The following SETBP1 variants were observed in gnomAD, a reference collection of about 807,000 sequenced individuals.
SETBP1 encodes SET binding protein 1.
In SETBP1, 9 loss-of-function variants were observed where a neutral mutation model predicts 101.0. The observed-to-expected ratio is 0.09, with a 90% confidence interval of 0.05 to 0.16. The LOEUF (loss-of-function observed/expected upper bound fraction) is 0.16, where lower values mean the gene tolerates loss of function less well. SETBP1 is among the 10% of genes least tolerant of loss of function. The pLI, the probability that SETBP1 is intolerant of heterozygous loss-of-function variation, is 1.00. For synonymous variants in SETBP1, 818 were observed against 788.5 expected (o/e 1.04, Z -0.63); for missense variants, 1,858 against 2,033.8 (o/e 0.91, Z 1.66).
chr18:44,884,196 C>G (rs7231223), intron 3 of SETBP1, among the ~76,000 whole-genome samples: 39 of 152,322 alleles, frequency 2.6e-4, no homozygotes, highest in African/African-American at 9.1e-4. Context: ...AGCTTCAACA[C>G]TGGCTATCTC....
intron 4 of SETBP1, among the ~76,000 whole-genome samples, chr18:45,027,057 A>G (rs899551970): frequency 9.2e-5 from 14 of 152,272 alleles, no homozygotes; most frequent in South Asian, 2.1e-4. Context: ...CTCCATTCTA[A>G]ATGATGTCAT....
chr18:45,026,774 A>T (rs542519500), intron 4 of SETBP1, among the ~76,000 whole-genome samples: 1 of 152,110 alleles, frequency 6.6e-6, no homozygotes, highest in East Asian at 1.9e-4. Flanking sequence ...GGTTCTGTCC[A>T]TCTGTGCTTT....
chr18:44,712,028 A>C (rs530116566), intron 2 of SETBP1, among the ~76,000 whole-genome samples: 48 of 152,294 alleles, frequency 3.2e-4, no homozygotes, highest in South Asian at 2.9e-3. Context: ...CTGTGACCTC[A>C]CACGGGAAAC....
intron 4 of SETBP1, among the ~76,000 whole-genome samples, chr18:44,974,113 A>G (rs1468019686): frequency 2.0e-5 from 3 of 152,368 alleles, no homozygotes; most frequent in East Asian, 1.9e-4. Flanking sequence ...ATTAGATTGT[A>G]TGAATATAAA....
chr18:44,875,401 C>A (rs1053586598), intron 3 of SETBP1, among the ~76,000 whole-genome samples: 2 of 151,814 alleles, frequency 1.3e-5, no homozygotes, highest in Admixed American at 1.3e-4. Context: ...GCCTGTAGTC[C>A]CAGCTACTCT....
At chr18:44,701,933 G>C (rs1599007779) in intron 2 of SETBP1, 101 bp downstream of exon 2, 1 of 1,365,208 alleles carries the variant, frequency 7.3e-7, no homozygotes, top group East Asian at 2.5e-5. Context: ...TTTGACTCTA[G>C]AACAACGTGG....
Position 44,806,623 on chromosome 18 carries a change from C to CTTTT in SETBP1, c.487-62569_487-62566dup, listed in dbSNP as rs71177656. Among the ~76,000 whole-genome samples the CTTTT allele has an allele frequency of 1.5e-3, 42 of 27,826 alleles. 8 individuals carry two copies. The highest frequency in any genetic ancestry group is 2.3e-3 in the East Asian group (2 of 874). The allele number at this position is 27,826 out of a possible 152,430, so 18.3% of individuals were successfully genotyped here. A position where few individuals can be genotyped will look rare whatever the true frequency, so the allele number is the denominator to read the frequency against. On this transcript the variant is annotated intron_variant, in intron 2 of 5. Transcript: ENST00000649279. Reference sequence around the variant, plus strand: ...GTAGACTTTGGCTCATAATGAGCTCCTTTTTTTTTTTTTTTTTTTTTTTTT... The same window carrying CTTTT: ...GTAGACTTTGGCTCATAATGAGCTCCTTTTTTTTTTTTTTTTTTTTTTTTTTTTT...
At chr18:44,979,553 C>T (rs1040689496) in intron 4 of SETBP1, among the ~76,000 whole-genome samples, 23 of 152,188 alleles carry the variant, frequency 1.5e-4, no homozygotes, top group African/African-American at 5.5e-4. Flanking sequence ...CTGTATGATT[C>T]TACTGGGATA....
At chr18:44,947,269 T>C (rs775565004) in intron 3 of SETBP1, among the ~76,000 whole-genome samples, 13 of 151,952 alleles carry the variant, frequency 8.6e-5, no homozygotes, top group Non-Finnish European at 1.5e-4. Flanking sequence ...AAAAAAACAT[T>C]AATTAGGGAC....
At chr18:44,889,487 T>A (rs891206744) in intron 3 of SETBP1, among the ~76,000 whole-genome samples, 3 of 152,164 alleles carry the variant, frequency 2.0e-5, no homozygotes, top group Admixed American at 6.5e-5. Context: ...ACTAGAGTCA[T>A]AAGAAATACT....
intron 2 of SETBP1, among the ~76,000 whole-genome samples, chr18:44,863,385 A>G (rs1012721879): frequency 2.0e-5 from 3 of 152,196 alleles, no homozygotes; most frequent in African/African-American, 7.2e-5. Flanking sequence ...CTCAGTTGCC[A>G]TTTACAATGG....
At chr18:44,910,222 T>C (rs1283978903) in intron 3 of SETBP1, among the ~76,000 whole-genome samples, 1 of 152,156 alleles carries the variant, frequency 6.6e-6, no homozygotes, top group African/African-American at 2.4e-5. Context: ...GCCTTCATGA[T>C]GTAACCATCA....
At position 44,950,686 on chromosome 18, in the gene SETBP1, A is replaced by G; in HGVS notation, c.1346A>G (p.Asn449Ser). ...ATCACCATGAGCAGTGAAGTAGTTA[A>G]CAGGATACTTTCCAACTCTGAGGGG... is the stretch of plus-strand genomic sequence containing the variant. ...SGITMSSEVV[N>S]RILSNSEGNK... Residue 449 changes from asparagine to serine, a missense_variant, in exon 4 of 6, where the codon AAC (asparagine) becomes AGC (serine). By Grantham distance (46) the Asn-to-Ser change is conservative (BLOSUM62 1). Around this residue, in one of 12 missense-constraint regions of SETBP1, gnomAD observed 581 missense variants for 535.1 expected, o/e 1.09. Coordinates refer to ENST00000649279, the MANE Select transcript of SETBP1 (RefSeq NM_015559.3). 6.2e-7 allele frequency: 1 copy of G among 1,614,188 alleles called. No homozygotes were observed.
At chr18:44,909,517 G>A (rs894749482) in intron 3 of SETBP1, among the ~76,000 whole-genome samples, 7 of 152,154 alleles carry the variant, frequency 4.6e-5, no homozygotes, top group African/African-American at 1.2e-4. Flanking sequence ...AGGGAGTATC[G>A]TACCAATTCT....
chr18:44,836,140 T>C (rs2072490574), intron 2 of SETBP1, among the ~76,000 whole-genome samples: 1 of 150,922 alleles, frequency 6.6e-6, no homozygotes, highest in Non-Finnish European at 1.5e-5. Context: ...TTATTGTAAA[T>C]GTTATTTACA....
At chr18:44,816,188 A>C (rs921080036) in intron 2 of SETBP1, among the ~76,000 whole-genome samples, 3 of 152,198 alleles carry the variant, frequency 2.0e-5, no homozygotes, top group Admixed American at 2.0e-4. Flanking sequence ...AGCAGCTTCC[A>C]CAAGCCTTTT....
At chr18:44,729,295 G>A (rs1211371667) in intron 2 of SETBP1, among the ~76,000 whole-genome samples, 1 of 152,230 alleles carries the variant, frequency 6.6e-6, no homozygotes, top group Non-Finnish European at 1.5e-5. Flanking sequence ...CATGCAGTGA[G>A]CAGATCATAG....
intron 3 of SETBP1, among the ~76,000 whole-genome samples, chr18:44,935,027 G>A (rs2070927503): frequency 6.6e-6 from 1 of 152,168 alleles, no homozygotes; most frequent in African/African-American, 2.4e-5. Flanking sequence ...AAGCCATCAG[G>A]ACATGAACTT....
chr18:44,729,104 G>A (rs2069777804), intron 2 of SETBP1, among the ~76,000 whole-genome samples: 1 of 152,234 alleles, frequency 6.6e-6, no homozygotes, highest in Non-Finnish European at 1.5e-5. Context: ...CTGTTACAGA[G>A]CTAGTAAGAG....
Sources: allele counts gnomAD v4.1 joint callset (sites outside exome capture counted in the v4.1 genomes callset), GRCh38; gene constraint gnomAD v4.1.1; regional missense constraint gnomAD v4.1.1; transcripts MANE v1.5; gene names NCBI Gene and HGNC (gene_info 2026-07-23, HGNC 2026-07-21).